CCDC38: variants seen among roughly 807,000 people sequenced by gnomAD.
CCDC38 encodes the protein coiled-coil domain-containing protein 38.
In CCDC38, 69 loss-of-function variants were observed where a neutral mutation model predicts 72.8. That is an observed-to-expected ratio of 0.95 (90% CI 0.78 to 1.16). CCDC38 has a LOEUF of 1.16. CCDC38 is among the 50% of genes most tolerant of loss of function. CCDC38 has a pLI of 0.00. For synonymous variants in CCDC38, 201 were observed against 213.2 expected (o/e 0.94, Z 0.50); for missense variants, 626 against 638.9 (o/e 0.98, Z 0.22).
chr12:95,879,653 T>G lies in CCDC38; in HGVS notation c.1133A>C (p.Gln378Pro), dbSNP rs770198207. 6.3e-7 allele frequency: 1 copy of G among 1,587,240 alleles called. No homozygotes were observed. Among genetic ancestry groups the G allele is most frequent in the Admixed American group, 1.7e-5 (1 of 58,476 alleles). The part of the protein sequence containing the change: ...EEVNKREKVI[Q>P]DKTNSNIEFL... ...GTTTATAATGACTTACGTTTTATCCTGTATAACTTTTTCTCTTTTGTTTAC... is the reference window on the plus strand; with the variant it reads ...GTTTATAATGACTTACGTTTTATCCGGTATAACTTTTTCTCTTTTGTTTAC... Residue 378 changes from glutamine to proline, a missense_variant, in exon 12 of 16, where the codon CAG becomes CCG. Coordinates refer to ENST00000344280, the MANE Select transcript of CCDC38 (RefSeq NM_182496.3). This position sits in a 1 kb window ranked among gnomAD's most constrained non-coding sequence, Gnocchi z 5.5.
intron 1 of CCDC38, among the ~76,000 whole-genome samples, chr12:95,939,293 G>T (rs539315829): frequency 2.0e-5 from 3 of 152,318 alleles, no homozygotes; most frequent in African/African-American, 7.2e-5. Context: ...CACCCCAGAT[G>T]AAGCCAGAGA....
At chr12:95,904,641 G>C (rs1199358965) in intron 5 of CCDC38, among the ~76,000 whole-genome samples, 1 of 152,210 alleles carries the variant, frequency 6.6e-6, no homozygotes. Context: ...AAGGGAAGCA[G>C]AAATGAGCTT....
At chr12:95,892,531 C>G (rs541712776) in intron 8 of CCDC38, among the ~76,000 whole-genome samples, 36 of 151,616 alleles carry the variant, frequency 2.4e-4, no homozygotes, top group African/African-American at 7.5e-4. Flanking sequence ...CCCTCCTTAG[C>G]CTCCCAAAGT....
chr12:95,869,863 G>A, intron 14 of CCDC38: 1 of 282,190 alleles, frequency 3.5e-6, no homozygotes, highest in South Asian at 3.5e-5. Context: ...TCAGTCTGTT[G>A]CCTAGGCTGG....
Position 95,878,198 on chromosome 12 carries a change from A to C in CCDC38, c.1278+13T>G, listed in dbSNP as rs1473964405. On this transcript the variant is annotated intron_variant, in intron 13 of 15. Coordinates refer to ENST00000344280, the MANE Select transcript of CCDC38 (RefSeq NM_182496.3). ...AGCCAAAATGAAATCACCATAGGCAAAGAGTGATTTACCTGAGCATCTGAA... is the reference window on the plus strand; with the variant it reads ...AGCCAAAATGAAATCACCATAGGCACAGAGTGATTTACCTGAGCATCTGAA... 1 of 1,612,224 alleles carries C rather than the reference A, an allele frequency of 6.2e-7. No homozygotes were observed. The highest frequency in any genetic ancestry group is 2.2e-5 in the East Asian group (1 of 44,802).
chr12:95,872,453 A>G lies in CCDC38; in HGVS notation c.1286T>C (p.Leu429Pro). The G allele has an allele frequency of 1.2e-6, 2 of 1,610,656 alleles. No homozygotes were observed. The highest frequency in any genetic ancestry group is 2.7e-5 in the African/African-American group (2 of 75,000). ...AATCTTTTTACTAAGTGAGTCTATC[A>G]GTATTTCCTGAGATTGAGAAGAGCA... ...GEFNSDAQEI[L>P]IDSLSKKITQ... The change falls in exon 14 of 16, where the codon CTG (leucine) becomes CCG (proline). Residue 429 changes from leucine to proline, a missense_variant. Transcript: ENST00000344280.
intron 2 of CCDC38, among the ~76,000 whole-genome samples, chr12:95,925,996 A>T (rs2080266421): frequency 8.0e-6 from 1 of 124,964 alleles, no homozygotes; most frequent in Admixed American, 8.6e-5. Context: ...ATTGGTCTAA[A>T]ATTCTCTTTT....
intron 12 of CCDC38, 75 bp from the exon 13 acceptor site, chr12:95,878,421 C>A: frequency 7.2e-7 from 1 of 1,397,252 alleles, no homozygotes; most frequent in Non-Finnish European, 9.9e-7. Context: ...GGAGCTTTAA[C>A]ACTCTAGATC....
intron 3 of CCDC38, among the ~76,000 whole-genome samples, chr12:95,917,863 T>TGTC (rs1193523661): frequency 1.7e-5 from 2 of 117,972 alleles, no homozygotes; most frequent in Non-Finnish European, 3.4e-5. Flanking sequence ...AGAGCAAGAC[T>TGTC]GTCAAAAAAA....
intron 5 of CCDC38, chr12:95,903,459 T>G: frequency 1.4e-6 from 1 of 700,380 alleles, no homozygotes; most frequent in Non-Finnish European, 2.6e-6. Flanking sequence ...ATCCTTGCCT[T>G]GTTCCTAATC....
rs61739972 is a variant in CCDC38, at chr12:95,917,258, T to C, written c.175A>G (p.Lys59Glu). The part of the protein sequence containing the change: ...FMNRNMKVYQ[K>E]TTFSSRMKSH... ...TTCATTCTGGATGAAAAAGTAGTTTTCTGGTAGACTTTCATGTTACGGTTC... is the reference window on the plus strand; with the variant it reads ...TTCATTCTGGATGAAAAAGTAGTTTCCTGGTAGACTTTCATGTTACGGTTC... The change falls in exon 4 of 16, where the codon AAA becomes GAA. Residue 59 changes from lysine to glutamate, a missense_variant. Coordinates refer to ENST00000344280, the MANE Select transcript of CCDC38 (RefSeq NM_182496.3). The C allele has an allele frequency of 4.4e-3, 7,015 of 1,601,636 alleles. 294 individuals carry two copies. The African/African-American group carries it at 0.084, about 19-fold the overall frequency.
Position 95,872,406 on chromosome 12 carries a change from T to C in CCDC38, c.1333A>G (p.Ile445Val). Residue 445 changes from isoleucine to valine, a missense_variant, in exon 14 of 16, where the codon ATT (isoleucine) becomes GTT (valine). Ile to Val is a conservative substitution (Grantham distance 29). Coordinates refer to ENST00000344280, the MANE Select transcript of CCDC38 (RefSeq NM_182496.3). Reference protein sequence around the residue: ...KKITQVYKVCIGDAEDDGLNP... With the variant: ...KKITQVYKVCVGDAEDDGLNP... Reference sequence around the variant, plus strand: ...AGGCCGTCATCCTCAGCATCTCCAATGCAGACTTTGTATACTTGAGTAATC... The same window carrying C: ...AGGCCGTCATCCTCAGCATCTCCAACGCAGACTTTGTATACTTGAGTAATC... 6.2e-7 allele frequency: 1 copy of C among 1,614,180 alleles called. No individual in the cohort carries two copies. Among genetic ancestry groups the C allele is most frequent in the Non-Finnish European group, 8.5e-7 (1 of 1,180,006 alleles).
chr12:95,913,681 T>C (rs1049584613), intron 4 of CCDC38, among the ~76,000 whole-genome samples: 2 of 152,158 alleles, frequency 1.3e-5, no homozygotes, highest in African/African-American at 2.4e-5. Context: ...ATGCAATATA[T>C]TACAAAAACA....
intron 2 of CCDC38, among the ~76,000 whole-genome samples, chr12:95,930,951 G>A (rs1288650397): frequency 1.4e-5 from 2 of 138,794 alleles, no homozygotes; most frequent in Non-Finnish European, 3.1e-5. Flanking sequence ...AAGCTGCCTT[G>A]CAAATCCCTG....
intron 5 of CCDC38, 74 bp from the exon 6 acceptor site, chr12:95,898,805 C>T: frequency 1.5e-6 from 2 of 1,375,092 alleles, no homozygotes; most frequent in Non-Finnish European, 2.0e-6. Flanking sequence ...TTATACACAG[C>T]AAGTGAACAT....
At position 95,888,456 on chromosome 12, in the gene CCDC38, A is replaced by C. The variant is rs1464303720; in HGVS notation, c.920+2T>G. The C allele has an allele frequency of 6.2e-7, 1 of 1,613,766 alleles. No individual in the cohort carries two copies. The highest frequency in any genetic ancestry group is 8.5e-7 in the Non-Finnish European group (1 of 1,179,826). ...AGGGAGTTAGTCAAGTATATACTGT[A>C]CTTTGATTTCTTTTTCTCTGGAGTG... On this transcript the variant is annotated splice_donor_variant, in intron 10 of 15. Coordinates refer to ENST00000344280, the MANE Select transcript of CCDC38 (RefSeq NM_182496.3). LOFTEE classifies it high-confidence loss of function.
chr12:95,935,526 A>G, intron 2 of CCDC38: 1 of 327,118 alleles, frequency 3.1e-6, no homozygotes, highest in Non-Finnish European at 6.3e-6. Context: ...TCCAGACTTA[A>G]CCTGAGAGAG....
At chr12:95,923,381 G>C (rs2080229709) in intron 2 of CCDC38, among the ~76,000 whole-genome samples, 1 of 151,976 alleles carries the variant, frequency 6.6e-6, no homozygotes, top group African/African-American at 2.4e-5. Context: ...ATCACTCCCA[G>C]GCCAGGGCTG....
chr12:95,908,488 A>C (rs1339013489), intron 4 of CCDC38, among the ~76,000 whole-genome samples: 1 of 4 alleles, frequency 0.25, no homozygotes, highest in African/African-American at 0.5. Flanking sequence ...GGAGAGGGAG[A>C]GGGAGAGGGA....
Sources: gnomAD v4.1 joint callset for allele counts (sites outside exome capture counted in the v4.1 genomes callset) on GRCh38, gnomAD v4.1.1 for gene constraint, Gnocchi (gnomAD v3.1) non-coding constraint, MANE v1.5 for transcripts, NCBI Gene and HGNC (gene_info 2026-07-23, HGNC 2026-07-21) for gene names.